The following SOX5 variants were observed in gnomAD, a reference collection of about 807,000 sequenced individuals.
SOX5 encodes the protein transcription factor SOX-5.
SOX5 carries 9 observed loss-of-function variants against 92.0 expected under a neutral mutation model. The ratio of observed to expected loss-of-function variants is 0.10; its 90% CI spans 0.06 to 0.17. The LOEUF (loss-of-function observed/expected upper bound fraction) is 0.17. Ranked by LOEUF, SOX5 falls within the 10% of genes least tolerant of loss-of-function variation. The pLI, the probability that SOX5 is intolerant of heterozygous loss-of-function variation, is 1.00. For missense variants in SOX5, 642 were observed against 944.5 expected, an observed-to-expected ratio of 0.68 and a Z score of 4.20; for synonymous variants, 344 against 336.3, an observed-to-expected ratio of 1.02 and a Z score of -0.25.
At chr12:23,620,372 T>G (rs2077030168) in intron 8 of SOX5, among the ~76,000 whole-genome samples, 1 of 152,072 alleles carries the variant, frequency 6.6e-6, no homozygotes, top group Admixed American at 6.6e-5. Flanking sequence ...TTGGGAGGGT[T>G]TGTTTCACCT....
rs535609951 is a variant in SOX5 at position 24,428,405 on chromosome 12, GAGAAC to G, written c.-250-59771_-250-59767del. Among the ~76,000 whole-genome samples the G allele has an allele frequency of 3.7e-3, 564 of 152,214 alleles. 2 individuals carry two copies. Among genetic ancestry groups the G allele is most frequent in the African/African-American group, 0.013 (526 of 41,538 alleles). Reference sequence around the variant, plus strand: ...GTGCCAACTAGACAGGACAGGAAAAGAGAACAGTCCTTTCATAGCAAAGATCAACT... The same window carrying G: ...GTGCCAACTAGACAGGACAGGAAAAGAGTCCTTTCATAGCAAAGATCAACT... On this transcript the variant is annotated intron_variant, in intron 1 of 4. Transcript: ENST00000446891.
intron 1 of SOX5, among the ~76,000 whole-genome samples, chr12:24,549,765 T>A (rs1382314542): frequency 6.6e-6 from 1 of 152,158 alleles, no homozygotes; most frequent in Non-Finnish European, 1.5e-5. Context: ...GAAACCAGAC[T>A]TAAGAATCTT....
At chr12:24,561,156 T>C (rs1469689370) in intron 1 of SOX5, among the ~76,000 whole-genome samples, 1 of 152,214 alleles carries the variant, frequency 6.6e-6, no homozygotes. Flanking sequence ...AGCAAATCCC[T>C]AAACTTTTGT....
intron 1 of SOX5, among the ~76,000 whole-genome samples, chr12:24,461,975 G>A (rs1208426858): frequency 2.6e-5 from 4 of 152,052 alleles, no homozygotes; most frequent in Admixed American, 6.6e-5. Flanking sequence ...ATTCTCCACC[G>A]CAAACTGAAG....
At chr12:24,543,983 A>G (rs905511574) in intron 1 of SOX5, among the ~76,000 whole-genome samples, 1 of 152,190 alleles carries the variant, frequency 6.6e-6, no homozygotes, top group Non-Finnish European at 1.5e-5. Context: ...TTATTAAGAC[A>G]TCTATATACT....
At chr12:23,594,389 T>A (rs1478184735) in intron 9 of SOX5, among the ~76,000 whole-genome samples, 8 of 152,136 alleles carry the variant, frequency 5.3e-5, no homozygotes, top group Non-Finnish European at 1.0e-4. Flanking sequence ...GTCCTAGGAC[T>A]CCAACACATC....
At chr12:24,257,463 G>T (rs1941384866) in intron 3 of SOX5, among the ~76,000 whole-genome samples, 1 of 87,858 alleles carries the variant, frequency 1.1e-5, no homozygotes, top group Admixed American at 1.2e-4. Context: ...GGGTCTTTTT[G>T]TTTGTTTTGT....
chr12:24,122,813 A>C (rs1948761742), intron 4 of SOX5, among the ~76,000 whole-genome samples: 1 of 152,212 alleles, frequency 6.6e-6, no homozygotes, highest in Non-Finnish European at 1.5e-5. Context: ...TCTGTAAGTG[A>C]ATTAGAGGTC....
intron 1 of SOX5, among the ~76,000 whole-genome samples, chr12:23,929,797 A>C (rs1392860688): frequency 6.6e-6 from 1 of 151,970 alleles, no homozygotes; most frequent in Non-Finnish European, 1.5e-5. Flanking sequence ...ACGACAGCTT[A>C]TATTGAACCA....
At chr12:24,390,041 ACT>A (rs377710699) in intron 1 of SOX5, among the ~76,000 whole-genome samples, 13 of 151,982 alleles carry the variant, frequency 8.6e-5, no homozygotes, top group African/African-American at 2.9e-4. Context: ...TTCTTGCCTG[ACT>A]CTGATGGACT....
rs375143812 is a variant in SOX5 at position 24,540,518 on chromosome 12, T to C, written c.-251+21811A>G. Among the ~76,000 whole-genome samples the C allele has an allele frequency of 7.0e-4, 107 of 152,286 alleles. 1 individual carries two copies. Among genetic ancestry groups the C allele is most frequent in the African/African-American group, 2.5e-3 (104 of 41,572 alleles). On this transcript the variant is annotated intron_variant, in intron 1 of 4. Transcript: ENST00000446891. The stretch of plus-strand genomic sequence containing the variant: ...ATATCCTCAATGGTGACAAATTTCA[T>C]AATTTGAAAGTCAATTTTAGCCATT...
At chr12:24,189,615 G>C (rs1956331894) in intron 4 of SOX5, among the ~76,000 whole-genome samples, 1 of 152,120 alleles carries the variant, frequency 6.6e-6, no homozygotes. Flanking sequence ...CTTTGTATCT[G>C]GGGGAGGCAA....
chr12:24,482,388 AT>A (rs1382138204), intron 1 of SOX5, among the ~76,000 whole-genome samples: 1 of 152,146 alleles, frequency 6.6e-6, no homozygotes, highest in African/African-American at 2.4e-5. Flanking sequence ...ATTAAGAACA[AT>A]TTTACTCATA....
chr12:23,681,502 T>C (rs2086625018), intron 6 of SOX5, among the ~76,000 whole-genome samples: 1 of 151,656 alleles, frequency 6.6e-6, no homozygotes, highest in Non-Finnish European at 1.5e-5. Flanking sequence ...TTACAAGAGA[T>C]ATACTTAAAT....
At chr12:24,520,370 T>G (rs566852618) in intron 1 of SOX5, among the ~76,000 whole-genome samples, 6 of 152,094 alleles carry the variant, frequency 3.9e-5, no homozygotes, top group African/African-American at 1.4e-4. Context: ...GAAAGTATGG[T>G]GGTTTTGCAT....
intron 2 of SOX5, among the ~76,000 whole-genome samples, chr12:23,866,661 C>T (rs1187561126): frequency 6.6e-6 from 1 of 152,068 alleles, no homozygotes; most frequent in Non-Finnish European, 1.5e-5. Flanking sequence ...TTTTAATAAC[C>T]TCCTCAATAC....
intron 1 of SOX5, among the ~76,000 whole-genome samples, chr12:24,424,812 G>GGA (rs1555286295): frequency 2.0e-5 from 3 of 150,716 alleles, no homozygotes; most frequent in East Asian, 2.0e-4. Context: ...TTTTTTTGGG[G>GGA]GGGGGGGATG....
intron 1 of SOX5, among the ~76,000 whole-genome samples, chr12:24,539,870 T>C (rs1951962651): frequency 6.6e-6 from 1 of 152,100 alleles, no homozygotes; most frequent in Non-Finnish European, 1.5e-5. Flanking sequence ...AGAAAACATT[T>C]GGAATTCCTT....
At chr12:24,168,967 CA>C (rs955571727) in intron 4 of SOX5, among the ~76,000 whole-genome samples, 24 of 146,096 alleles carry the variant, frequency 1.6e-4, no homozygotes, top group Non-Finnish European at 2.3e-4. Flanking sequence ...CCCAACTTTC[CA>C]AAAAAAAAAT....
Sources: allele counts gnomAD v4.1 joint callset (sites outside exome capture counted in the v4.1 genomes callset), GRCh38; gene constraint gnomAD v4.1.1; transcripts MANE v1.5; gene names NCBI Gene and HGNC (gene_info 2026-07-23, HGNC 2026-07-21).